DNAH14: variants seen among roughly 807,000 people sequenced by gnomAD.
DNAH14 encodes the protein dynein axonemal heavy chain 14.
DNAH14 carries 478 observed loss-of-function variants against 520.9 expected under a neutral mutation model. The ratio of observed to expected loss-of-function variants is 0.92; its 90% CI spans 0.85 to 0.99. The LOEUF is 0.99. Among genes scored for constraint, DNAH14 ranks in the 50% least tolerant of loss-of-function variants. The pLI, the probability that DNAH14 is intolerant of heterozygous loss-of-function variation, is 0.00. For missense variants in DNAH14, 4,831 were observed against 5,234.5 expected, an observed-to-expected ratio of 0.92 and a Z score of 2.38; for synonymous variants, 1,581 against 1,757.2, an observed-to-expected ratio of 0.90 and a Z score of 2.51.
chr1:225,000,598 G>C (rs1394206619), intron 8 of DNAH14, among the ~76,000 whole-genome samples: 1 of 149,584 alleles, frequency 6.7e-6, no homozygotes, highest in Non-Finnish European at 1.5e-5. Context: ...TCTGAGGTGG[G>C]ATCTCACTCT....
intron 1 of DNAH14, among the ~76,000 whole-genome samples, chr1:224,946,763 T>C (rs1170152792): frequency 2.0e-5 from 3 of 152,128 alleles, no homozygotes; most frequent in African/African-American, 7.2e-5. Flanking sequence ...TGGAAAACTT[T>C]CTTTGTCCTT....
chr1:225,367,366 T>C (rs770005614), intron 76 of DNAH14, among the ~76,000 whole-genome samples: 5 of 152,222 alleles, frequency 3.3e-5, no homozygotes, highest in Non-Finnish European at 7.3e-5. Flanking sequence ...GTGCTGAAGC[T>C]GCTGTTGATT....
At position 225,147,681 on chromosome 1, in the gene DNAH14, TTA is replaced by T. The variant is rs1359694791; in HGVS notation, c.4940+437_4940+438del. On this transcript the variant is annotated intron_variant, in intron 31 of 85. Transcript: ENST00000682510. ...GTTCAGGGGCACATGTGCAGATTTG[TTA>T]TATAGGTAAACTGGTATTATGGGGA... 8.5e-5 allele frequency among the ~76,000 whole-genome samples: 13 copies of T among 152,320 alleles called. No individual in the cohort carries two copies. In the South Asian group the frequency reaches 2.7e-3, roughly 32 times the overall value.
At chr1:225,146,192 T>C (rs1310641645) in intron 30 of DNAH14, among the ~76,000 whole-genome samples, 2 of 152,184 alleles carry the variant, frequency 1.3e-5, no homozygotes, top group Non-Finnish European at 2.9e-5. Flanking sequence ...TTTAATGCAA[T>C]ATTTTAAAAG....
At chr1:225,316,687 G>C (rs2094473214) in intron 60 of DNAH14, among the ~76,000 whole-genome samples, 1 of 152,072 alleles carries the variant, frequency 6.6e-6, no homozygotes, top group Non-Finnish European at 1.5e-5. Context: ...TGCACCCACT[G>C]TCTAACCAGT....
chr1:225,234,659 G>C (rs1343388373), intron 42 of DNAH14, among the ~76,000 whole-genome samples: 1 of 152,154 alleles, frequency 6.6e-6, no homozygotes, highest in Non-Finnish European at 1.5e-5. Context: ...TCACAATATT[G>C]ATTCTTCTTA....
intron 21 of DNAH14, 134 bp downstream of exon 21, chr1:225,085,923 T>C: frequency 1.1e-6 from 1 of 944,998 alleles, no homozygotes; most frequent in Non-Finnish European, 1.4e-6. Flanking sequence ...ACAATGAATA[T>C]TTACTAGTTT....
At chr1:224,990,862 G>T (rs1366897155) in intron 8 of DNAH14, among the ~76,000 whole-genome samples, 1 of 151,964 alleles carries the variant, frequency 6.6e-6, no homozygotes. Flanking sequence ...GTTTTTTGAG[G>T]AACCTCCATA....
chr1:225,006,782 A>G (rs1278573726), intron 9 of DNAH14, among the ~76,000 whole-genome samples: 1 of 152,052 alleles, frequency 6.6e-6, no homozygotes, highest in Non-Finnish European at 1.5e-5. Flanking sequence ...GTGATATTGT[A>G]TTGCCTTTTG....
In DNAH14 at chr1:225,340,517, T is replaced by C; in HGVS notation, c.10494T>C (p.Val3498=). The C allele has an allele frequency of 6.4e-7, 1 of 1,551,452 alleles. No homozygotes were observed. Among genetic ancestry groups the C allele is most frequent in the Non-Finnish European group, 8.7e-7 (1 of 1,146,852 alleles). The change falls in exon 69 of 86, where the codon GTT becomes GTC. Residue 3498 remains valine (V), a synonymous_variant. Coordinates refer to ENST00000682510, the MANE Select transcript of DNAH14 (RefSeq NM_001367479.1). The stretch of plus-strand genomic sequence containing the variant: ...TTCTTCCATCAGTTTATAACTTTGT[T>C]ACTATGATCAACTTCACTGTAACAT... The part of the protein sequence containing the change: ...PHFLPSVYNF[V]TMINFTVTFQ...
chr1:224,982,067 G>A (rs1488680602), intron 8 of DNAH14, among the ~76,000 whole-genome samples: 10 of 152,124 alleles, frequency 6.6e-5, no homozygotes, highest in Non-Finnish European at 1.3e-4. Flanking sequence ...TAACCTTTGA[G>A]ACAAATGGCC....
intron 60 of DNAH14, among the ~76,000 whole-genome samples, chr1:225,316,965 G>T (rs1171246667): frequency 1.3e-5 from 2 of 152,124 alleles, no homozygotes; most frequent in Admixed American, 6.5e-5. Context: ...TAGTTTAGAA[G>T]TTTCTTTCAA....
At chr1:225,321,127 A>G (rs2094548715) in intron 61 of DNAH14, among the ~76,000 whole-genome samples, 2 of 152,204 alleles carry the variant, frequency 1.3e-5, no homozygotes, top group South Asian at 2.1e-4. Flanking sequence ...TGAAAAAATT[A>G]TTTCAGAATA....
chr1:224,983,284 G>A (rs1471142476), intron 8 of DNAH14, among the ~76,000 whole-genome samples: 1 of 151,986 alleles, frequency 6.6e-6, no homozygotes, highest in Non-Finnish European at 1.5e-5. Context: ...CTTGCTTTTG[G>A]TGACCATTTG....
intron 7 of DNAH14, among the ~76,000 whole-genome samples, chr1:224,972,875 G>A (rs2061584691): frequency 6.6e-6 from 1 of 152,180 alleles, no homozygotes; most frequent in African/African-American, 2.4e-5. Flanking sequence ...TTAAGCTGGT[G>A]ATGCCAGTAC....
rs1196470314 is a variant in DNAH14, at chr1:225,159,344, T to A, written c.5304T>A (p.Asp1768Glu). 2 of 1,551,540 alleles carry A rather than the reference T, an allele frequency of 1.3e-6. No individual in the cohort carries two copies. ...CDTSDSLSEADETLIVIEAIR... is the reference protein window; with the variant it reads ...CDTSDSLSEAEETLIVIEAIR... ...CCAGTGACAGTCTTTCTGAAGCAGA[T>A]GAAACCTTGATTGTTATCGAGGCTA... Residue 1768 changes from aspartate to glutamate, a missense_variant, in exon 35 of 86, where the codon GAT becomes GAA. Coordinates refer to ENST00000682510, the MANE Select transcript of DNAH14 (RefSeq NM_001367479.1).
chr1:225,370,624 A>G (rs1312466533), intron 77 of DNAH14, among the ~76,000 whole-genome samples: 4 of 152,080 alleles, frequency 2.6e-5, no homozygotes, highest in Non-Finnish European at 5.9e-5. Flanking sequence ...CTTAGGAAAT[A>G]AAAGACTGGC....
intron 8 of DNAH14, among the ~76,000 whole-genome samples, chr1:224,985,707 C>T (rs1408999960): frequency 1.4e-5 from 2 of 144,244 alleles, no homozygotes; most frequent in Admixed American, 1.4e-4. Context: ...AATTTAACAA[C>T]AAATTGAAAT....
At chr1:225,389,153 C>T (rs781317582) in intron 82 of DNAH14, among the ~76,000 whole-genome samples, 30 of 152,184 alleles carry the variant, frequency 2.0e-4, no homozygotes, top group Non-Finnish European at 1.2e-4. Flanking sequence ...GGATGTGGAG[C>T]ATTTCTCTAG....
Sources: allele counts gnomAD v4.1 joint callset (sites outside exome capture counted in the v4.1 genomes callset), GRCh38; gene constraint gnomAD v4.1.1; transcripts MANE v1.5; gene names NCBI Gene and HGNC (gene_info 2026-07-23, HGNC 2026-07-21).